Variants in ARHGEF4 observed in about 807,000 individuals in gnomAD.
ARHGEF4 encodes the protein APC-stimulated guanine nucleotide exchange factor 1.
ARHGEF4 carries 119 observed loss-of-function variants against 162.0 expected under a neutral mutation model. The ratio of observed to expected loss-of-function variants is 0.73; its 90% CI spans 0.63 to 0.86. The LOEUF (loss-of-function observed/expected upper bound fraction) is 0.86, where lower values mean the gene tolerates loss of function less well. ARHGEF4 is among the 40% of genes least tolerant of loss of function. The pLI is 0.00. For missense variants in ARHGEF4, 2,488 were observed against 2,456.0 expected (o/e 1.01, Z -0.28); for synonymous variants, 1,014 against 979.9 (o/e 1.03, Z -0.65).
intron 5 of ARHGEF4, among the ~76,000 whole-genome samples, chr2:131,036,852 C>T (rs1213669906): frequency 2.0e-5 from 3 of 152,196 alleles, no homozygotes; most frequent in Non-Finnish European, 2.9e-5. Context: ...CACTGGTGTC[C>T]CCAGACCGCC....
At chr2:130,989,615 TG>T (rs1686805193) in intron 4 of ARHGEF4, among the ~76,000 whole-genome samples, 1 of 152,238 alleles carries the variant, frequency 6.6e-6, no homozygotes, top group African/African-American at 2.4e-5. Flanking sequence ...TAGATCAATT[TG>T]TAACATTTTA....
intron 1 of ARHGEF4, among the ~76,000 whole-genome samples, chr2:130,842,662 A>G (rs1680686343): frequency 6.6e-6 from 1 of 152,170 alleles, no homozygotes; most frequent in African/African-American, 2.4e-5. Flanking sequence ...AGGCAGTGAG[A>G]TACTGGAGTT....
Position 130,917,277 on chromosome 2 carries a change from A to G in ARHGEF4, c.3331A>G (p.Arg1111Gly). 1 of 1,550,312 alleles carries G rather than the reference A, an allele frequency of 6.5e-7. No individual in the cohort carries two copies. Reference protein sequence around the residue: ...AQRMGLHYPGRGSAISMVSLG... With the variant: ...AQRMGLHYPGGGSAISMVSLG... ...GCGGATGGGTCTCCACTACCCCGGG[A>G]GGGGTAGCGCCATCTCCATGGTTTC... Residue 1111 changes from arginine to glycine, a missense_variant, in exon 2 of 14, where the codon AGG becomes GGG. Physicochemically the swap from Arg to Gly is moderately radical, Grantham distance 125. Around this residue, in one of 6 missense-constraint regions of ARHGEF4, gnomAD observed 1,642 missense variants for 1,481.5 expected, o/e 1.11. Coordinates refer to ENST00000409359, the MANE Select transcript of ARHGEF4 (RefSeq NM_001367493.1).
rs186047409 is a variant in ARHGEF4, at chr2:130,951,045, T to C, written c.3985+4410T>C. ...TTTAGACTTTTCTTTTACAGCTTCCTCACTTCTCTCAGCCTTCATACAATT... is the reference window on the plus strand; with the variant it reads ...TTTAGACTTTTCTTTTACAGCTTCCCCACTTCTCTCAGCCTTCATACAATT... On this transcript the variant is annotated intron_variant, in intron 4 of 13. Transcript: ENST00000409359. Among the ~76,000 whole-genome samples the C allele has an allele frequency of 3.6e-3, 552 of 152,340 alleles. 3 individuals carry two copies. Among genetic ancestry groups the C allele is most frequent in the Non-Finnish European group, 5.8e-3 (396 of 68,036 alleles).
chr2:131,040,004 CA>C lies in ARHGEF4; in HGVS notation c.4306-11del. The C allele has an allele frequency of 1.3e-6, 2 of 1,552,310 alleles. No homozygotes were observed. On this transcript the variant is annotated splice_polypyrimidine_tract_variant and intron_variant, in intron 6 of 13. Transcript: ENST00000409359. Reference sequence around the variant, plus strand: ...GGATGCGGGGCACTGACCGGCCACGCATGGCCTGCAGCTGAGGGTGAATCAG... The same window carrying C: ...GGATGCGGGGCACTGACCGGCCACGCTGGCCTGCAGCTGAGGGTGAATCAG...
intron 1 of ARHGEF4, among the ~76,000 whole-genome samples, chr2:130,908,426 C>T (rs931738606): frequency 1.3e-5 from 2 of 152,248 alleles, no homozygotes; most frequent in Admixed American, 1.3e-4. Flanking sequence ...CCTGTAATCC[C>T]AGCACTTTGG....
At chr2:131,039,180 C>T (rs1381375197) in intron 6 of ARHGEF4, 148 bp downstream of exon 6, 13 of 1,250,024 alleles carry the variant, frequency 1.0e-5, no homozygotes, top group Non-Finnish European at 1.4e-5. Flanking sequence ...CAGCCTTCCT[C>T]CTCCTGGAGA....
At chr2:130,871,446 G>T (rs1678481858) in intron 1 of ARHGEF4, among the ~76,000 whole-genome samples, 1 of 152,030 alleles carries the variant, frequency 6.6e-6, no homozygotes, top group Admixed American at 6.6e-5. Context: ...TGAGGCAGGA[G>T]AATTGCTTGA....
intron 2 of ARHGEF4, among the ~76,000 whole-genome samples, chr2:130,924,987 A>C (rs1682143060): frequency 2.0e-5 from 3 of 151,406 alleles, no homozygotes; most frequent in Admixed American, 2.0e-4. Context: ...CCACAGTTCT[A>C]ACTTTGGTGG....
At chr2:130,837,090 C>G (rs550153485) in intron 1 of ARHGEF4, 98 bp downstream of exon 1, 1 of 1,130,430 alleles carries the variant, frequency 8.8e-7, no homozygotes, top group Non-Finnish European at 1.1e-6. Context: ...CCGGGCCGTC[C>G]CCTGGGCACC....
intron 1 of ARHGEF4, among the ~76,000 whole-genome samples, chr2:130,905,109 AT>A (rs35754721): frequency 0.69 from 105,273 of 151,884 alleles, 37,065 homozygotes; most frequent in East Asian, 0.95. Flanking sequence ...AGTATTATTT[AT>A]TTTTTTTTAT....
At chr2:130,933,986 G>A (rs186301909) in intron 3 of ARHGEF4, among the ~76,000 whole-genome samples, 8 of 146,378 alleles carry the variant, frequency 5.5e-5, no homozygotes, top group African/African-American at 2.0e-4. Flanking sequence ...GGTGAAATGG[G>A]GTGTCGTTGT....
Position 130,847,744 on chromosome 2 carries a change from C to T in ARHGEF4, c.39+10752C>T, listed in dbSNP as rs78153962. Among the ~76,000 whole-genome samples the T allele has an allele frequency of 1.4e-3, 211 of 152,304 alleles. 2 individuals are homozygous for T. The highest frequency in any genetic ancestry group is 1.9e-3 in the African/African-American group (80 of 41,562). On this transcript the variant is annotated intron_variant, in intron 1 of 13. Coordinates refer to ENST00000409359, the MANE Select transcript of ARHGEF4 (RefSeq NM_001367493.1). ...GTTCTAGAGTTTAGAAAACATCAGG[C>T]GAGGCTTCACAGGAACAGTGCTGGC...
Position 130,837,252 on chromosome 2 carries a change from CCT to C in ARHGEF4, c.39+261_39+262del, listed in dbSNP as rs1680258614. Reference sequence around the variant, plus strand: ...TAGGGACGGCGGCCCGGGGCGAGCCCCTGAGAGGGCAAGGGCGAGCGCCTGAG... The same window carrying C: ...TAGGGACGGCGGCCCGGGGCGAGCCCGAGAGGGCAAGGGCGAGCGCCTGAG... On this transcript the variant is annotated intron_variant, in intron 1 of 13. Transcript: ENST00000409359. Among the ~76,000 whole-genome samples, 3 of 152,154 alleles carry C rather than the reference CCT, an allele frequency of 2.0e-5. No homozygotes were observed. In the East Asian group the frequency reaches 5.9e-4, roughly 30 times the overall value.
At chr2:130,989,253 A>G (rs1026221788) in intron 4 of ARHGEF4, among the ~76,000 whole-genome samples, 6 of 152,132 alleles carry the variant, frequency 3.9e-5, no homozygotes, top group Non-Finnish European at 2.9e-5. Flanking sequence ...GAGCCACCGC[A>G]CCCAGCCTCC....
At position 131,047,126 on chromosome 2, in the gene ARHGEF4, C is replaced by A. The variant is rs1402533894; in HGVS notation, c.*937C>A. 1 of 152,456 alleles carries A rather than the reference C, an allele frequency of 6.6e-6. No individual in the cohort carries two copies. Among genetic ancestry groups the A allele is most frequent in the African/African-American group, 2.4e-5 (1 of 41,480 alleles). 9.4% of individuals were successfully genotyped at this position (152,456 alleles called of 1,614,324 possible). ...CTGTCCTGCCAAGGGGCGCCAGGAG[C>A]AGAGCCAGGGCCTGGCGAGCTGGCG... On this transcript the variant is annotated 3_prime_UTR_variant, in exon 14 of 14. Transcript: ENST00000409359.
At chr2:130,847,950 C>T (rs1681113018) in intron 1 of ARHGEF4, among the ~76,000 whole-genome samples, 1 of 151,808 alleles carries the variant, frequency 6.6e-6, no homozygotes, top group Non-Finnish European at 1.5e-5. Flanking sequence ...AGCTGGGCCG[C>T]TGGGCTGGGG....
chr2:131,039,544 G>A (rs1690593102), intron 6 of ARHGEF4: 1 of 1,036,306 alleles, frequency 9.6e-7, no homozygotes, highest in African/African-American at 1.7e-5. Context: ...TCCAAGCTGA[G>A]GGCCGTCCGG....
chr2:130,925,773 TTTGC>T (rs1393211267), intron 2 of ARHGEF4, among the ~76,000 whole-genome samples: 2 of 152,186 alleles, frequency 1.3e-5, no homozygotes, highest in Non-Finnish European at 2.9e-5. Flanking sequence ...ATTTCAGAAG[TTTGC>T]TTATGTTTCT....
Sources: gnomAD v4.1 joint callset for allele counts (sites outside exome capture counted in the v4.1 genomes callset) on GRCh38, gnomAD v4.1.1 for gene constraint, gnomAD v4.1.1 regional missense constraint, MANE v1.5 for transcripts, NCBI Gene and HGNC (gene_info 2026-07-23, HGNC 2026-07-21) for gene names.